The following TSPAN9 variants were observed in gnomAD, a reference collection of about 807,000 sequenced individuals.
TSPAN9 encodes tetraspanin 9, also known as tetraspanin-9.
TSPAN9 carries 16 observed loss-of-function variants against 31.0 expected under a neutral mutation model. The observed-to-expected ratio is 0.52, with a 90% CI of 0.35 to 0.78. The LOEUF is 0.78. TSPAN9 is among the 30% of genes least tolerant of loss of function. The pLI, the probability that TSPAN9 is intolerant of heterozygous loss-of-function variation, is 0.01. For missense variants in TSPAN9, 272 were observed against 312.5 expected, an observed-to-expected ratio of 0.87 and a Z score of 0.98; for synonymous variants, 145 against 121.6, an observed-to-expected ratio of 1.19 and a Z score of -1.27.
At position 3,192,713 on chromosome 12, in the gene TSPAN9, A is replaced by G. The variant is rs897898718; in HGVS notation, c.-17-8464A>G. Among the ~76,000 whole-genome samples, 2 of 152,104 alleles carry G rather than the reference A, an allele frequency of 1.3e-5. No homozygotes were observed. Among genetic ancestry groups the G allele is most frequent in the African/African-American group, 4.8e-5 (2 of 41,406 alleles). The stretch of plus-strand genomic sequence containing the variant: ...TGCATTTAGGGGGTCAACAGCATGC[A>G]GATGGCCCTGGAACGGAGGAGATGG... On this transcript the variant is annotated intron_variant, in intron 2 of 8. Transcript: ENST00000011898. This position sits in a 1 kb window ranked among gnomAD's most constrained non-coding sequence, Gnocchi z 4.6.
At chr12:3,178,285 CT>C (rs1346987397) in intron 2 of TSPAN9, among the ~76,000 whole-genome samples, 1 of 147,072 alleles carries the variant, frequency 6.8e-6, no homozygotes, top group Non-Finnish European at 1.5e-5. Flanking sequence ...GAAGGGGTTT[CT>C]TTTTCTTTTT....
intron 2 of TSPAN9, among the ~76,000 whole-genome samples, chr12:3,110,494 C>G (rs1157762831): frequency 6.6e-6 from 1 of 152,178 alleles, no homozygotes; most frequent in Non-Finnish European, 1.5e-5. Flanking sequence ...CAGGACATAG[C>G]TGGTGCATTT....
At chr12:3,131,954 A>G (rs956720700) in intron 2 of TSPAN9, among the ~76,000 whole-genome samples, 3 of 152,102 alleles carry the variant, frequency 2.0e-5, no homozygotes, top group Non-Finnish European at 4.4e-5. Context: ...ACCACTGGCA[A>G]CCACTGATCT....
chr12:3,218,705 C>T (rs886604832), intron 3 of TSPAN9, among the ~76,000 whole-genome samples: 14 of 152,324 alleles, frequency 9.2e-5, no homozygotes, highest in Admixed American at 4.6e-4. Context: ...GGGCTGAGCC[C>T]GCTTGGCTGG....
chr12:3,110,886 T>G (rs1237583718), intron 2 of TSPAN9, among the ~76,000 whole-genome samples: 1 of 152,216 alleles, frequency 6.6e-6, no homozygotes, highest in Non-Finnish European at 1.5e-5. Flanking sequence ...TGAACATGTG[T>G]TGATTCTTCA....
chr12:3,109,161 C>A lies in TSPAN9; in HGVS notation c.-18+25442C>A, dbSNP rs569346524. On this transcript the variant is annotated intron_variant, in intron 2 of 8. Transcript: ENST00000011898. ...CCGTGTTAGCCAGGATGGTCTCGAT[C>A]TCCTGACCTCGTGATCCGCCCGCCT... Among the ~76,000 whole-genome samples, 596 of 151,986 alleles carry A rather than the reference C, an allele frequency of 3.9e-3. 4 individuals are homozygous for A. Among genetic ancestry groups the A allele is most frequent in the Admixed American group, 4.9e-3 (75 of 15,286 alleles).
chr12:3,256,156 A>C (rs1417528448), intron 3 of TSPAN9, among the ~76,000 whole-genome samples: 2 of 152,150 alleles, frequency 1.3e-5, no homozygotes, highest in South Asian at 2.1e-4. Context: ...AGAGGTGATG[A>C]AAGAATGAGA....
At chr12:3,102,592 C>A (rs1237555395) in intron 2 of TSPAN9, among the ~76,000 whole-genome samples, 1 of 151,956 alleles carries the variant, frequency 6.6e-6, no homozygotes, top group Non-Finnish European at 1.5e-5. Context: ...CGCCCGCCAC[C>A]ACGCCCGGCT....
chr12:3,102,816 T>A (rs1050135869), intron 2 of TSPAN9, among the ~76,000 whole-genome samples: 12 of 152,262 alleles, frequency 7.9e-5, no homozygotes, highest in African/African-American at 2.9e-4. Flanking sequence ...TATTTCAAAA[T>A]TGGATCTGGA....
chr12:3,198,272 CCACCACCAGCACAGCT>C (rs2098368468), intron 2 of TSPAN9, among the ~76,000 whole-genome samples: 2 of 102,082 alleles, frequency 2.0e-5, no homozygotes, highest in Non-Finnish European at 4.2e-5. Context: ...CCAGCACAGG[CCACCACCAGCACAGCT>C]CACCACCAGC....
rs371480450 is a variant in TSPAN9, at chr12:3,105,785, T to C, written c.-18+22066T>C. 5.8e-5 allele frequency among the ~76,000 whole-genome samples: 4 copies of C among 69,512 alleles called. No individual in the cohort carries two copies. In the East Asian group the frequency reaches 2.7e-3, roughly 48 times the overall value. The allele number at this position is 69,512 out of a possible 152,430, so 45.6% of individuals were successfully genotyped here. ...ACACACGCGCACGCACACACGCTCA[T>C]ACACACTCACGCACACATGCGCACA... On this transcript the variant is annotated intron_variant, in intron 2 of 8. Transcript: ENST00000011898.
intron 3 of TSPAN9, among the ~76,000 whole-genome samples, chr12:3,225,371 G>A (rs776556109): frequency 1.3e-5 from 2 of 152,156 alleles, no homozygotes; most frequent in Non-Finnish European, 2.9e-5. Context: ...AGCCTGTCCT[G>A]TGCGGTGGCG....
chr12:3,089,489 G>A (rs1237848825), intron 2 of TSPAN9, among the ~76,000 whole-genome samples: 1 of 151,694 alleles, frequency 6.6e-6, no homozygotes. Flanking sequence ...TAGAGACGGG[G>A]TTTTACCGTG....
chr12:3,279,028 C>T lies in TSPAN9; in HGVS notation c.292C>T (p.Leu98=). The T allele has an allele frequency of 1.2e-6, 2 of 1,614,208 alleles. No individual in the cohort carries two copies. Among genetic ancestry groups the T allele is most frequent in the Non-Finnish European group, 8.5e-7 (1 of 1,180,030 alleles). The change falls in exon 5 of 9, where the codon CTG becomes TTG. Residue 98 remains leucine (L), a synonymous_variant. Coordinates refer to ENST00000011898, the MANE Select transcript of TSPAN9 (RefSeq NM_006675.5). The part of the protein sequence containing the change: ...IVLLVILLAE[L]ILLILFFVYM... Reference sequence around the variant, plus strand: ...CCTGTTGGTCATCCTCCTAGCAGAGCTGATCTTACTCATCCTCTTCTTTGT... The same window carrying T: ...CCTGTTGGTCATCCTCCTAGCAGAGTTGATCTTACTCATCCTCTTCTTTGT...
chr12:3,158,488 C>T (rs999165197), intron 2 of TSPAN9, among the ~76,000 whole-genome samples: 3 of 152,098 alleles, frequency 2.0e-5, no homozygotes, highest in Non-Finnish European at 4.4e-5. Flanking sequence ...CTTTGGGAAG[C>T]TGAGGCAGGT....
At chr12:3,220,435 C>G (rs2098383825) in intron 3 of TSPAN9, among the ~76,000 whole-genome samples, 1 of 152,218 alleles carries the variant, frequency 6.6e-6, no homozygotes, top group South Asian at 2.1e-4. Flanking sequence ...CAGAGGCTGA[C>G]CGTCACCTTC....
At chr12:3,216,263 C>T (rs1056264966) in intron 3 of TSPAN9, among the ~76,000 whole-genome samples, 6 of 152,190 alleles carry the variant, frequency 3.9e-5, no homozygotes, top group African/African-American at 1.2e-4. Flanking sequence ...GATCATCCTG[C>T]GACTACTGAC....
At chr12:3,154,040 G>GTGTGTA (rs770901835) in intron 2 of TSPAN9, among the ~76,000 whole-genome samples, 1 of 143,724 alleles carries the variant, frequency 7.0e-6, no homozygotes, top group Non-Finnish European at 1.5e-5. Flanking sequence ...GTGTGTGTGT[G>GTGTGTA]TCTGTGGATG....
intron 3 of TSPAN9, among the ~76,000 whole-genome samples, chr12:3,256,095 C>T (rs570592021): frequency 6.6e-6 from 1 of 152,322 alleles, no homozygotes; most frequent in South Asian, 2.1e-4. Flanking sequence ...CCCACTCCCA[C>T]CCCTTTGCTG....
Sources: allele counts gnomAD v4.1 joint callset (sites outside exome capture counted in the v4.1 genomes callset), GRCh38; gene constraint gnomAD v4.1.1; non-coding constraint Gnocchi (gnomAD v3.1); transcripts MANE v1.5; gene names NCBI Gene and HGNC (gene_info 2026-07-23, HGNC 2026-07-21).